SAMD12: variants seen among roughly 807,000 people sequenced by gnomAD.
The protein encoded by SAMD12 is sterile alpha motif domain containing 12.
SAMD12 carries 9 observed loss-of-function variants against 15.0 expected under a neutral mutation model. That is an observed-to-expected ratio of 0.60 (90% CI 0.36 to 1.05). The LOEUF is 1.05. Ranked by LOEUF, SAMD12 falls within the 50% of genes least tolerant of loss-of-function variation. SAMD12 has a pLI of 0.01. For missense variants in SAMD12, 230 were observed against 234.2 expected, an observed-to-expected ratio of 0.98 and a Z score of 0.12; for synonymous variants, 86 against 90.1, an observed-to-expected ratio of 0.96 and a Z score of 0.25.
chr8:118,324,868 TC>T (rs899759252), intron 4 of SAMD12, among the ~76,000 whole-genome samples: 1 of 152,194 alleles, frequency 6.6e-6, no homozygotes, highest in Admixed American at 6.5e-5. Flanking sequence ...ATAAGCTTCA[TC>T]AGAGTAGTGA....
intron 4 of SAMD12, among the ~76,000 whole-genome samples, chr8:118,311,733 A>T (rs968828678): frequency 1.3e-5 from 2 of 152,014 alleles, no homozygotes; most frequent in Non-Finnish European, 2.9e-5. Flanking sequence ...CAGCACACCC[A>T]TCCTTCTCAG....
intron 2 of SAMD12, among the ~76,000 whole-genome samples, chr8:118,557,997 A>C (rs965399631): frequency 2.6e-5 from 4 of 152,182 alleles, no homozygotes; most frequent in African/African-American, 9.7e-5. Context: ...TGCATGAATA[A>C]AACAATCCAC....
rs192907670 is a variant in SAMD12, at chr8:118,424,574, C to G, written c.322+15258G>C. On this transcript the variant is annotated intron_variant, in intron 3 of 3. Transcript: ENST00000314727. ...TTCTAAACATTTAAGAGTAACATTA[C>G]CCTACAGTTAATATGGGAATTGAAA... Among the ~76,000 whole-genome samples the G allele has an allele frequency of 1.4e-3, 212 of 152,180 alleles. 1 individual carries two copies. Among genetic ancestry groups the G allele is most frequent in the African/African-American group, 4.8e-3 (199 of 41,492 alleles).
intron 4 of SAMD12, among the ~76,000 whole-genome samples, chr8:118,340,298 CA>C (rs910645739): frequency 2.0e-5 from 3 of 151,820 alleles, no homozygotes; most frequent in Admixed American, 2.0e-4. Context: ...AACCAGTTAC[CA>C]GGGGTGACAA....
At chr8:118,524,194 TA>T (rs1825471102) in intron 2 of SAMD12, among the ~76,000 whole-genome samples, 1 of 152,170 alleles carries the variant, frequency 6.6e-6, no homozygotes, top group Admixed American at 6.6e-5. Context: ...GAACCACTTC[TA>T]ACAGGCTTTT....
chr8:118,339,065 C>G (rs1464822445), intron 4 of SAMD12, among the ~76,000 whole-genome samples: 13 of 152,194 alleles, frequency 8.5e-5, no homozygotes, highest in Non-Finnish European at 1.8e-4. Context: ...GTGGCTCACA[C>G]CTGTAGTCCC....
In SAMD12 at chr8:118,305,144, C is replaced by CAAAAAAAA. The variant is rs56200866; in HGVS notation, c.433+74408_433+74415dup. Among the ~76,000 whole-genome samples, 8 of 48,886 alleles carry CAAAAAAAA rather than the reference C, an allele frequency of 1.6e-4. 1 individual carries two copies. Among genetic ancestry groups the CAAAAAAAA allele is most frequent in the Non-Finnish European group, 3.0e-4 (8 of 26,954 alleles). The allele number at this position is 48,886 out of a possible 152,430, so 32.1% of individuals were successfully genotyped here. On this transcript the variant is annotated intron_variant, in intron 4 of 4. Transcript: ENST00000409003. ...AGCCTGGGCAAAAGTGACTCCCTGT[C>CAAAAAAAA]AAAAAAAAAAAAAAAAAAAAAAAAA...
chr8:118,332,285 A>G (rs1816842217), intron 4 of SAMD12, among the ~76,000 whole-genome samples: 1 of 152,236 alleles, frequency 6.6e-6, no homozygotes, highest in Non-Finnish European at 1.5e-5. Context: ...TTCCCTGACA[A>G]TGATGACGTA....
In SAMD12 at chr8:118,435,274, C is replaced by T. The variant is rs552980468; in HGVS notation, c.322+4558G>A. Among the ~76,000 whole-genome samples, 30 of 152,102 alleles carry T rather than the reference C, an allele frequency of 2.0e-4. No individual in the cohort carries two copies. The South Asian group carries it at 6.2e-3, about 32-fold the overall frequency. ...ATATTTCAAGAGACAGAGATATTTACCTAATTATTATTATGGTATATTATT... is the reference window on the plus strand; with the variant it reads ...ATATTTCAAGAGACAGAGATATTTATCTAATTATTATTATGGTATATTATT... On this transcript the variant is annotated intron_variant, in intron 3 of 3. Transcript: ENST00000314727.
At chr8:118,290,754 G>T (rs1481629817) in intron 4 of SAMD12, among the ~76,000 whole-genome samples, 2 of 152,220 alleles carry the variant, frequency 1.3e-5, no homozygotes, top group African/African-American at 2.4e-5. Context: ...ACTAAGTTCT[G>T]AGTGGGAACT....
intron 2 of SAMD12, among the ~76,000 whole-genome samples, chr8:118,456,880 A>G (rs2130927783): frequency 6.6e-6 from 1 of 152,316 alleles, no homozygotes; most frequent in South Asian, 2.1e-4. Flanking sequence ...AGTTTGTATG[A>G]CATCACACAC....
At chr8:118,251,928 T>C (rs1265196853) in intron 4 of SAMD12, among the ~76,000 whole-genome samples, 1 of 150,620 alleles carries the variant, frequency 6.6e-6, no homozygotes, top group East Asian at 2.0e-4. Context: ...TGAATTTTCA[T>C]TAAAAAAAAA....
intron 4 of SAMD12, among the ~76,000 whole-genome samples, chr8:118,338,212 C>T (rs1474010296): frequency 1.3e-5 from 2 of 152,138 alleles, no homozygotes; most frequent in Non-Finnish European, 2.9e-5. Context: ...GGTTGTGAAA[C>T]TTAAAAGGAC....
chr8:118,214,561 C>T (rs1465794285), intron 4 of SAMD12, among the ~76,000 whole-genome samples: 2 of 152,202 alleles, frequency 1.3e-5, no homozygotes, highest in Non-Finnish European at 2.9e-5. Context: ...AAGAAAATTC[C>T]AAATATCACT....
At chr8:118,511,705 G>C (rs1242254291) in intron 2 of SAMD12, among the ~76,000 whole-genome samples, 13 of 152,118 alleles carry the variant, frequency 8.5e-5, no homozygotes, top group Admixed American at 8.5e-4. Flanking sequence ...ATCTACAGTG[G>C]AATAAAGGTT....
intron 4 of SAMD12, among the ~76,000 whole-genome samples, chr8:118,224,628 T>G (rs1442417140): frequency 6.6e-6 from 1 of 152,014 alleles, no homozygotes; most frequent in Non-Finnish European, 1.5e-5. Context: ...AAAAAGAAAA[T>G]AAAACAAATA....
At chr8:118,217,597 A>G (rs142886141) in intron 4 of SAMD12, among the ~76,000 whole-genome samples, 232 of 152,314 alleles carry the variant, frequency 1.5e-3, no homozygotes, top group African/African-American at 5.4e-3. Flanking sequence ...AAAGGGAGTG[A>G]TTGCTATTGC....
intron 4 of SAMD12, among the ~76,000 whole-genome samples, chr8:118,286,990 T>C (rs1489435650): frequency 6.6e-6 from 1 of 152,204 alleles, no homozygotes; most frequent in Non-Finnish European, 1.5e-5. Context: ...GCACGTACTA[T>C]TCCTATGACC....
chr8:118,557,147 G>A (rs570560714), intron 2 of SAMD12, among the ~76,000 whole-genome samples: 21 of 152,218 alleles, frequency 1.4e-4, no homozygotes, highest in East Asian at 5.8e-4. Context: ...GGGAAGGACC[G>A]GGTGGGAGGT....
Sources: allele counts gnomAD v4.1 joint callset (sites outside exome capture counted in the v4.1 genomes callset), GRCh38; gene constraint gnomAD v4.1.1; transcripts MANE v1.5; gene names NCBI Gene and HGNC (gene_info 2026-07-23, HGNC 2026-07-21).